Variants in TRPM3 observed in about 807,000 individuals in gnomAD.
TRPM3 encodes transient receptor potential cation channel subfamily M member 3.
In TRPM3, 77 loss-of-function variants were observed where a neutral mutation model predicts 181.2. The observed-to-expected ratio is 0.42, with a 90% CI of 0.35 to 0.51. The LOEUF is 0.51. TRPM3 is among the 20% of genes least tolerant of loss of function. The pLI, the probability that TRPM3 is intolerant of heterozygous loss-of-function variation, is 0.01. For missense variants in TRPM3, 1,759 were observed against 2,196.7 expected, an observed-to-expected ratio of 0.80 and a Z score of 3.98; for synonymous variants, 745 against 796.4, an observed-to-expected ratio of 0.94 and a Z score of 1.09.
intron 1 of TRPM3, among the ~76,000 whole-genome samples, chr9:71,261,512 C>T (rs1022147775): frequency 1.3e-5 from 2 of 152,202 alleles, no homozygotes; most frequent in African/African-American, 2.4e-5. Flanking sequence ...TCCGTCAATT[C>T]GTCAAACTAT....
intron 1 of TRPM3, among the ~76,000 whole-genome samples, chr9:70,985,514 A>C (rs719788): frequency 0.15 from 22,458 of 152,212 alleles, 1,863 homozygotes; most frequent in African/African-American, 0.23. Context: ...TGTCTGTATC[A>C]ACCAAGACAT....
In TRPM3 at chr9:71,254,302, T is replaced by C. The variant is rs527914611; in HGVS notation, c.183+192351A>G. Among the ~76,000 whole-genome samples, 582 of 152,272 alleles carry C rather than the reference T, an allele frequency of 3.8e-3. 5 individuals carry two copies. The highest frequency in any genetic ancestry group is 0.01 in the Middle Eastern group (3 of 294). On this transcript the variant is annotated intron_variant, in intron 1 of 24. Coordinates refer to the TRPM3 transcript ENST00000357533. ...CACTTATATATGGAATCTAAAAACATTGAATTCATAGACGAAAAGAGTAGA... is the reference window on the plus strand; with the variant it reads ...CACTTATATATGGAATCTAAAAACACTGAATTCATAGACGAAAAGAGTAGA...
chr9:70,787,763 C>CTTTTTTTTTTTTTTTTTTTGTTTTTT (rs2084049973), intron 6 of TRPM3, among the ~76,000 whole-genome samples: 1 of 68,558 alleles, frequency 1.5e-5, no homozygotes, highest in African/African-American at 5.8e-5. Flanking sequence ...TTTTTGGATT[C>CTTTTTTTTTTTTTTTTTTTGTTTTTT]TTTTTTTTTT....
chr9:71,370,807 T>G (rs1488417726), intron 1 of TRPM3, among the ~76,000 whole-genome samples: 1 of 152,178 alleles, frequency 6.6e-6, no homozygotes, highest in Non-Finnish European at 1.5e-5. Context: ...CCTAGGACTT[T>G]CACAGCTAGA....
At chr9:71,002,253 A>G (rs984778082) in intron 1 of TRPM3, among the ~76,000 whole-genome samples, 3 of 152,200 alleles carry the variant, frequency 2.0e-5, no homozygotes, top group African/African-American at 7.2e-5. Flanking sequence ...TCACTTCATC[A>G]TGGAAGCATA....
chr9:70,697,502 C>T (rs1406145292), intron 8 of TRPM3, among the ~76,000 whole-genome samples: 1 of 152,142 alleles, frequency 6.6e-6, no homozygotes, highest in Non-Finnish European at 1.5e-5. Context: ...TATTATTATG[C>T]CCATTGCACA....
Position 71,398,068 on chromosome 9 carries a change from A to G in TRPM3, c.183+48585T>C, listed in dbSNP as rs956412040. ...TCCCTAGCCTGTATCAGATGTTCACATCAGTGCTAGTAAGCTAATCAGCCC... is the reference window on the plus strand; with the variant it reads ...TCCCTAGCCTGTATCAGATGTTCACGTCAGTGCTAGTAAGCTAATCAGCCC... On this transcript the variant is annotated intron_variant, in intron 1 of 24. Transcript: ENST00000357533. Among the ~76,000 whole-genome samples the G allele has an allele frequency of 8.8e-4, 134 of 152,246 alleles. 1 individual carries two copies. Among genetic ancestry groups the G allele is most frequent in the Non-Finnish European group, 1.3e-4 (9 of 68,038 alleles).
chr9:70,904,792 A>G (rs1204195485), intron 1 of TRPM3, among the ~76,000 whole-genome samples: 1 of 152,224 alleles, frequency 6.6e-6, no homozygotes, highest in East Asian at 1.9e-4. Context: ...AAAATATTTT[A>G]AAAGAGGGCT....
chr9:70,749,623 A>G (rs978979235), intron 8 of TRPM3, among the ~76,000 whole-genome samples: 3 of 152,202 alleles, frequency 2.0e-5, no homozygotes, highest in African/African-American at 7.2e-5. Flanking sequence ...GTGTAGTAAT[A>G]AAGTCAGAAA....
intron 9 of TRPM3, among the ~76,000 whole-genome samples, chr9:70,659,509 A>G (rs948819158): frequency 2.6e-5 from 4 of 152,186 alleles, no homozygotes; most frequent in Non-Finnish European, 5.9e-5. Context: ...TATGTAAAAA[A>G]TAATTATTCT....
chr9:71,312,355 T>C (rs1014951204), intron 1 of TRPM3, among the ~76,000 whole-genome samples: 1 of 152,134 alleles, frequency 6.6e-6, no homozygotes, highest in African/African-American at 2.4e-5. Context: ...AATGAGATAT[T>C]ACTGCATATC....
chr9:71,368,768 C>A (rs12006326), intron 1 of TRPM3, among the ~76,000 whole-genome samples: 1 of 151,964 alleles, frequency 6.6e-6, no homozygotes, highest in East Asian at 1.9e-4. Flanking sequence ...TATAACAAAA[C>A]GAAATCTTTT....
At chr9:71,427,102 A>AGGG (rs1210197255) in intron 1 of TRPM3, among the ~76,000 whole-genome samples, 1 of 152,296 alleles carries the variant, frequency 6.6e-6, no homozygotes, top group East Asian at 1.9e-4. Flanking sequence ...GATTAATTAT[A>AGGG]CCTTAGAACA....
intron 7 of TRPM3, among the ~76,000 whole-genome samples, chr9:70,781,326 T>TAAAAAAAAAAAAAAAAAAAAAAAA (rs35173071): frequency 4.0e-4 from 42 of 106,106 alleles, no homozygotes; most frequent in African/African-American, 1.2e-3. Flanking sequence ...TTCCATTTCA[T>TAAAAAAAAAAAAAAAAAAAAAAAA]AAAAAAAAAA....
chr9:70,920,854 G>A (rs1017814915), intron 1 of TRPM3, among the ~76,000 whole-genome samples: 1 of 152,056 alleles, frequency 6.6e-6, no homozygotes, highest in Non-Finnish European at 1.5e-5. Context: ...TAATTTTGTT[G>A]TAGACCAATA....
At chr9:71,389,672 C>G (rs1189352900) in intron 1 of TRPM3, among the ~76,000 whole-genome samples, 1 of 152,036 alleles carries the variant, frequency 6.6e-6, no homozygotes, top group Non-Finnish European at 1.5e-5. Flanking sequence ...AATGAGTTAA[C>G]AGCATTTGCA....
chr9:70,953,922 A>C (rs1198425908), intron 1 of TRPM3, among the ~76,000 whole-genome samples: 1 of 152,218 alleles, frequency 6.6e-6, no homozygotes, highest in East Asian at 1.9e-4. Flanking sequence ...AGCAAGATGA[A>C]GGGAACATTT....
intron 8 of TRPM3, among the ~76,000 whole-genome samples, chr9:70,746,102 C>T (rs2075115455): frequency 6.6e-6 from 1 of 152,160 alleles, no homozygotes; most frequent in Admixed American, 6.6e-5. Flanking sequence ...ACTGACAATT[C>T]TGAGGAGTAA....
At chr9:71,403,079 T>C (rs1212797872) in intron 1 of TRPM3, among the ~76,000 whole-genome samples, 1 of 152,174 alleles carries the variant, frequency 6.6e-6, no homozygotes, top group Non-Finnish European at 1.5e-5. Context: ...AAGGCTCACC[T>C]AGAATGGCTC....
Sources: allele counts gnomAD v4.1 joint callset (sites outside exome capture counted in the v4.1 genomes callset), GRCh38; gene constraint gnomAD v4.1.1; transcripts MANE v1.5; gene names NCBI Gene and HGNC (gene_info 2026-07-23, HGNC 2026-07-21).